Variants in TERT observed in about 807,000 individuals in gnomAD.
The protein encoded by TERT is telomerase catalytic subunit.
In TERT, 42 loss-of-function variants were observed where a neutral mutation model predicts 104.0. That is an observed-to-expected ratio of 0.40 (90% CI 0.32 to 0.52). The LOEUF is 0.52. Among genes scored for constraint, TERT ranks in the 20% least tolerant of loss-of-function variants. The pLI is 0.43. For missense variants in TERT, 1,101 were observed against 1,610.3 expected (o/e 0.68, Z 5.41); for synonymous variants, 781 against 725.6 (o/e 1.08, Z -1.23).
At position 1,258,592 on chromosome 5, in the gene TERT, G is replaced by A. The variant is rs1405075700; in HGVS notation, c.3032+6C>T. 8 of 1,564,180 alleles carry A rather than the reference G, an allele frequency of 5.1e-6. No homozygotes were observed. The African/African-American group carries it at 9.5e-5, about 19-fold the overall frequency. On this transcript the variant is annotated splice_donor_region_variant and intron_variant, in intron 13 of 15. Transcript: ENST00000310581. Reference sequence around the variant, plus strand: ...GCTGGGCCTGCACCCCTTGGTGGCGGCTCACCTGTACGCCTGCAGCAGGAG... The same window carrying A: ...GCTGGGCCTGCACCCCTTGGTGGCGACTCACCTGTACGCCTGCAGCAGGAG...
rs1178128338 is a variant in TERT at position 1,262,434 on chromosome 5, A to G, written c.2844-1834T>C. ...ATCTGGACAAGAAAATTCCCATCTT[A>G]CCACTTTTCCTTTTTCACTTTTCTT... On this transcript the variant is annotated intron_variant, in intron 11 of 15. Coordinates refer to ENST00000310581, the MANE Select transcript of TERT (RefSeq NM_198253.3). This position sits in a 1 kb window ranked among gnomAD's most constrained non-coding sequence, Gnocchi z 5.6. Among the ~76,000 whole-genome samples the G allele has an allele frequency of 6.6e-6, 1 of 152,136 alleles. No individual in the cohort carries two copies. The highest frequency in any genetic ancestry group is 6.5e-5 in the Admixed American group (1 of 15,268).
Position 1,293,307 on chromosome 5 carries a change from C to A in TERT, c.1573+6G>T, listed in dbSNP as rs1561213199. The A allele has an allele frequency of 2.5e-6, 4 of 1,612,606 alleles. No homozygotes were observed. The highest frequency in any genetic ancestry group is 3.4e-6 in the Non-Finnish European group (4 of 1,180,012). The stretch of plus-strand genomic sequence containing the variant: ...CCTGGGCCCTCGACGGCCACCACCT[C>A]CTCACCTGGGCTCCTGCGCAGCCAA... On this transcript the variant is annotated splice_donor_region_variant and intron_variant, in intron 2 of 15. Coordinates refer to ENST00000310581, the MANE Select transcript of TERT (RefSeq NM_198253.3).
In TERT at chr5:1,263,114, T is replaced by A. The variant is rs1055182993; in HGVS notation, c.2843+1290A>T. Among the ~76,000 whole-genome samples, 4 of 152,180 alleles carry A rather than the reference T, an allele frequency of 2.6e-5. No homozygotes were observed. Reference sequence around the variant, plus strand: ...CCCCCATCATGAGGGCGTCTGCACCTGCTGCTCCCCCATCACGAGGGTGTC... The same window carrying A: ...CCCCCATCATGAGGGCGTCTGCACCAGCTGCTCCCCCATCACGAGGGTGTC... On this transcript the variant is annotated intron_variant, in intron 11 of 15. Transcript: ENST00000310581. The surrounding 1 kb of genome is among the most constrained non-coding windows in gnomAD (Gnocchi z 5.3).
Position 1,268,704 on chromosome 5 carries a change from A to G in TERT, c.2469-71T>C, listed in dbSNP as rs766001220. 1 of 1,004,734 alleles carries G rather than the reference A, an allele frequency of 1.0e-6. No homozygotes were observed. Among genetic ancestry groups the G allele is most frequent in the Non-Finnish European group, 1.6e-6 (1 of 637,640 alleles). The allele number at this position is 1,004,734 out of a possible 1,614,324, so 62.2% of individuals were successfully genotyped here. On this transcript the variant is annotated intron_variant, in intron 8 of 15. Transcript: ENST00000310581. The surrounding 1 kb of genome is among the most constrained non-coding windows in gnomAD (Gnocchi z 5.5). ...GACATGCGTACACTCAAACCGAGCC[A>G]CACACAGACACAGAACCTCATACAC...
rs1216945375 is a variant in TERT at position 1,282,570 on chromosome 5, T to C, written c.1628A>G (p.Lys543Arg). 6.2e-7 allele frequency: 1 copy of C among 1,614,122 alleles called. No homozygotes were observed. The highest frequency in any genetic ancestry group is 1.7e-5 in the Admixed American group (1 of 60,030). The change falls in exon 3 of 16, where the codon AAG (lysine) becomes AGG (arginine). Residue 543 changes from lysine (K) to arginine (R), a missense_variant. Physicochemically the swap from Lys to Arg is conservative, Grantham distance 26 (BLOSUM62 2). Around this residue, in one of 5 missense-constraint regions of TERT, gnomAD observed 504 missense variants for 544.6 expected, o/e 0.93. Transcript: ENST00000310581. ...EHRLREEILA[K>R]FLHWLMSVYV... ...CACACTCATCAGCCAGTGCAGGAAC[T>C]TGGCCAGGATCTCCTCACGCAGACG...
intron 12 of TERT, among the ~76,000 whole-genome samples, 149 bp downstream of exon 12, chr5:1,260,321 CATGT>C (rs1322234631): frequency 6.6e-6 from 1 of 152,248 alleles, no homozygotes; most frequent in East Asian, 1.9e-4. Flanking sequence ...CACATGCACA[CATGT>C]ATGTGCTCAC....
At chr5:1,278,862 C>T in intron 5 of TERT, 66 bp from the exon 6 acceptor site, 1 of 1,603,442 alleles carries the variant, frequency 6.2e-7, no homozygotes, top group Non-Finnish European at 8.5e-7. Context: ...CCTCTGCCCT[C>T]AGGGCCTGGC....
chr5:1,282,804 A>G, intron 2 of TERT, 180 bp from the exon 3 acceptor site: 2 of 678,414 alleles, frequency 2.9e-6, no homozygotes, highest in South Asian at 3.2e-5. Flanking sequence ...CTCACCCTGG[A>G]CCTGCACCAT....
In TERT at chr5:1,270,369, G is replaced by A. The variant is rs1429136895; in HGVS notation, c.2468+750C>T. Among the ~76,000 whole-genome samples the A allele has an allele frequency of 1.3e-5, 2 of 152,244 alleles. No homozygotes were observed. The highest frequency in any genetic ancestry group is 2.4e-5 in the African/African-American group (1 of 41,460). On this transcript the variant is annotated intron_variant, in intron 8 of 15. Transcript: ENST00000310581. The surrounding 1 kb of genome is among the most constrained non-coding windows in gnomAD (Gnocchi z 8.3). The stretch of plus-strand genomic sequence containing the variant: ...CCACCTGACTGCGGATGACCTTGCT[G>A]ATGACCTTGAGTGTGCACGAATTTC...
rs868413692 is a variant in TERT at position 1,288,893 on chromosome 5, G to A, written c.1573+4420C>T. 1.3e-4 allele frequency among the ~76,000 whole-genome samples: 20 copies of A among 152,298 alleles called. No homozygotes were observed. Among genetic ancestry groups the A allele is most frequent in the African/African-American group, 4.3e-4 (18 of 41,570 alleles). Reference sequence around the variant, plus strand: ...GCGGGAGGCGAGAGCCTGCAGTCCCGTGTCCCCGTAGCAAAATGGAACGGA... The same window carrying A: ...GCGGGAGGCGAGAGCCTGCAGTCCCATGTCCCCGTAGCAAAATGGAACGGA... On this transcript the variant is annotated intron_variant, in intron 2 of 15. Coordinates refer to ENST00000310581, the MANE Select transcript of TERT (RefSeq NM_198253.3). The surrounding 1 kb of genome is among the most constrained non-coding windows in gnomAD (Gnocchi z 5.3).
chr5:1,294,093 G>A lies in TERT; in HGVS notation c.793C>T (p.Pro265Ser). The A allele has an allele frequency of 1.3e-6, 2 of 1,589,134 alleles. No individual in the cohort carries two copies. Among genetic ancestry groups the A allele is most frequent in the South Asian group, 1.1e-5 (1 of 88,258 alleles). Residue 265 changes from proline (P) to serine (S), a missense_variant, in exon 2 of 16, where the codon CCG becomes TCG. Transcript: ENST00000310581. ...SWAHPGRTRGPSDRGFCVVSP... is the reference protein window; with the variant it reads ...SWAHPGRTRGSSDRGFCVVSP... ...ACCACACAGAAACCACGGTCACTCG[G>A]TCCACGCGTCCTGCCCGGGTGGGCC...
chr5:1,277,500 C>T (rs1292312698), intron 6 of TERT, among the ~76,000 whole-genome samples: 1 of 152,140 alleles, frequency 6.6e-6, no homozygotes, highest in African/African-American at 2.4e-5. Flanking sequence ...AAACCCACCT[C>T]CTGCCTGATC....
rs1750595142 is a variant in TERT at position 1,287,915 on chromosome 5, T to C, written c.1574-5291A>G. Among the ~76,000 whole-genome samples, 1 of 151,612 alleles carries C rather than the reference T, an allele frequency of 6.6e-6. No individual in the cohort carries two copies. The highest frequency in any genetic ancestry group is 2.1e-4 in the South Asian group (1 of 4,800). On this transcript the variant is annotated intron_variant, in intron 2 of 15. Coordinates refer to ENST00000310581, the MANE Select transcript of TERT (RefSeq NM_198253.3). This position sits in a 1 kb window ranked among gnomAD's most constrained non-coding sequence, Gnocchi z 4.3. ...TTCTGGAAACCATGCACACACTAGATCACAAAGCAAGGCTCCGCAAACTTC... is the reference window on the plus strand; with the variant it reads ...TTCTGGAAACCATGCACACACTAGACCACAAAGCAAGGCTCCGCAAACTTC...
intron 6 of TERT, among the ~76,000 whole-genome samples, chr5:1,278,094 C>A (rs1184175941): frequency 6.6e-6 from 1 of 152,182 alleles, no homozygotes; most frequent in Non-Finnish European, 1.5e-5. Context: ...GAAGGTACCA[C>A]CAGCATCCCT....
Position 1,274,423 on chromosome 5 carries a change from G to C in TERT, c.2287-2143C>G, listed in dbSNP as rs867784751. ...GAGAGGCTGCTGAAGCAGGTCTTTA[G>C]CACAGGGTCCCCAACCATTGTGGTA... On this transcript the variant is annotated intron_variant, in intron 6 of 15. Transcript: ENST00000310581. The surrounding 1 kb of genome is among the most constrained non-coding windows in gnomAD (Gnocchi z 5.3). 4.6e-5 allele frequency among the ~76,000 whole-genome samples: 7 copies of C among 152,246 alleles called. No homozygotes were observed. The highest frequency in any genetic ancestry group is 8.8e-5 in the Non-Finnish European group (6 of 68,044).
At chr5:1,259,027 G>A (rs538165032) in intron 12 of TERT, among the ~76,000 whole-genome samples, 2 of 149,262 alleles carry the variant, frequency 1.3e-5, no homozygotes, top group African/African-American at 4.9e-5. Context: ...CCACAGGAGA[G>A]GGGGAGTGGA....
At position 1,294,364 on chromosome 5, in the gene TERT, C is replaced by A. The variant is rs773784305; in HGVS notation, c.522G>T (p.Pro174=). The A allele has an allele frequency of 1.9e-6, 3 of 1,575,108 alleles. No homozygotes were observed. Among genetic ancestry groups the A allele is most frequent in the South Asian group, 2.3e-5 (2 of 87,916 alleles). Residue 174 remains proline, a synonymous_variant, in exon 2 of 16, where the codon CCG becomes CCT. Transcript: ENST00000310581. Reference sequence around the variant, plus strand: ...GAGTGGCAGCGCCGAGCTGGTACAGCGGCGGCCCGCACACCTGGTAGGCGC... The same window carrying A: ...GAGTGGCAGCGCCGAGCTGGTACAGAGGCGGCCCGCACACCTGGTAGGCGC... ...PSCAYQVCGP[P]LYQLGAATQA... is the part of the protein sequence containing the mutation.
chr5:1,293,464 G>A lies in TERT; in HGVS notation c.1422C>T (p.Pro474=), dbSNP rs139133620. Reference sequence around the variant, plus strand: ...TGTGCCTGGAGCCCCAGAGGCCTGGGGGCACCAGCCGGCGCAGGCAGGCCC... The same window carrying A: ...TGTGCCTGGAGCCCCAGAGGCCTGGAGGCACCAGCCGGCGCAGGCAGGCCC... The part of the protein sequence containing the change: ...FVRACLRRLV[P]PGLWGSRHNE... Residue 474 remains proline (P), a synonymous_variant, in exon 2 of 16, where the codon CCC becomes CCT. Transcript: ENST00000310581. The A allele has an allele frequency of 3.7e-6, 6 of 1,609,054 alleles. No homozygotes were observed. In the African/African-American group the frequency reaches 6.7e-5, roughly 18 times the overall value.
rs1748929072 is a variant in TERT at position 1,270,314 on chromosome 5, G to A, written c.2468+805C>T. On this transcript the variant is annotated intron_variant, in intron 8 of 15. Coordinates refer to ENST00000310581, the MANE Select transcript of TERT (RefSeq NM_198253.3). The surrounding 1 kb of genome is among the most constrained non-coding windows in gnomAD (Gnocchi z 8.3). ...GCTGTGCACAGTCCTTTATCCGCTG[G>A]AGACGATCCCAGAGAGAGGCCTCCA... Among the ~76,000 whole-genome samples, 3 of 152,162 alleles carry A rather than the reference G, an allele frequency of 2.0e-5. No individual in the cohort carries two copies. Among genetic ancestry groups the A allele is most frequent in the Admixed American group, 2.0e-4 (3 of 15,280 alleles).
Sources: gnomAD v4.1 joint callset for allele counts (sites outside exome capture counted in the v4.1 genomes callset) on GRCh38, gnomAD v4.1.1 for gene constraint, gnomAD v4.1.1 regional missense constraint, Gnocchi (gnomAD v3.1) non-coding constraint, MANE v1.5 for transcripts, NCBI Gene and HGNC (gene_info 2026-07-23, HGNC 2026-07-21) for gene names.